VPS8: variants seen among roughly 807,000 people sequenced by gnomAD.
The protein encoded by VPS8 is vacuolar protein sorting-associated protein 8 homolog.
Under a neutral mutation model 216.4 loss-of-function variants are expected in VPS8, and 129 were observed. The ratio of observed to expected loss-of-function variants is 0.60; its 90% CI spans 0.52 to 0.69. The LOEUF (loss-of-function observed/expected upper bound fraction) is 0.69, where lower values mean the gene tolerates loss of function less well. Among genes scored for constraint, VPS8 ranks in the 30% least tolerant of loss-of-function variants. VPS8 has a pLI of 0.00. For synonymous variants in VPS8, 571 were observed against 565.4 expected (o/e 1.01, Z -0.14); for missense variants, 1,531 against 1,683.5 (o/e 0.91, Z 1.59).
In VPS8 at chr3:184,956,790, T is replaced by C. The variant is rs534235518; in HGVS notation, c.3036-584T>C. ...GGCAAATGAACCCATAAATATTGTG[T>C]ATTTTAGTATTACTCCTTTATTTAT... On this transcript the variant is annotated intron_variant, in intron 36 of 47. Coordinates refer to ENST00000625842, the MANE Select transcript of VPS8 (RefSeq NM_001009921.3). 1.2e-4 allele frequency among the ~76,000 whole-genome samples: 18 copies of C among 152,332 alleles called. No homozygotes were observed. The East Asian group carries it at 1.9e-3, about 16-fold the overall frequency.
At chr3:184,875,250 A>G (rs983026339) in intron 21 of VPS8, among the ~76,000 whole-genome samples, 3 of 151,932 alleles carry the variant, frequency 2.0e-5, no homozygotes, top group Admixed American at 6.6e-5. Context: ...TGCTGCCTCA[A>G]TTTTAATCTT....
chr3:184,919,470 A>G (rs538465738), intron 28 of VPS8, among the ~76,000 whole-genome samples: 2 of 152,246 alleles, frequency 1.3e-5, no homozygotes, highest in East Asian at 3.9e-4. Flanking sequence ...TTTTTGTGAC[A>G]CGCTGTTACA....
Position 184,948,703 on chromosome 3 carries a change from C to G in VPS8, c.3035+8460C>G, listed in dbSNP as rs77944106. ...GTCAGAAAGTGACATTCTTTACTTACTGCAAGGCTGGGAACCATGTAGACA... is the reference window on the plus strand; with the variant it reads ...GTCAGAAAGTGACATTCTTTACTTAGTGCAAGGCTGGGAACCATGTAGACA... On this transcript the variant is annotated intron_variant, in intron 36 of 47. Coordinates refer to ENST00000625842, the MANE Select transcript of VPS8 (RefSeq NM_001009921.3). Among the ~76,000 whole-genome samples the G allele has an allele frequency of 6.9e-3, 1,047 of 152,270 alleles. 3 individuals are homozygous for G. The highest frequency in any genetic ancestry group is 0.011 in the Non-Finnish European group (715 of 68,022).
chr3:184,953,231 C>CTGT (rs1745017968), intron 36 of VPS8, among the ~76,000 whole-genome samples: 1 of 152,182 alleles, frequency 6.6e-6, no homozygotes, highest in Non-Finnish European at 1.5e-5. Flanking sequence ...TAAGACCAGA[C>CTGT]ATCCCTGATG....
chr3:184,972,477 GGTGTA>G (rs1378240703), intron 40 of VPS8, among the ~76,000 whole-genome samples: 1 of 152,180 alleles, frequency 6.6e-6, no homozygotes, highest in Non-Finnish European at 1.5e-5. Context: ...AGAAGCCTAT[GGTGTA>G]CTAATTCTCA....
intron 25 of VPS8, 184 bp downstream of exon 25, chr3:184,901,156 C>G (rs922062937): frequency 3.4e-6 from 2 of 584,384 alleles, no homozygotes; most frequent in Non-Finnish European, 6.0e-6. Flanking sequence ...TTTCCTCCTT[C>G]CCCTTTGTAC....
chr3:184,853,116 T>C (rs913589818), intron 11 of VPS8, among the ~76,000 whole-genome samples: 4 of 152,198 alleles, frequency 2.6e-5, no homozygotes, highest in Admixed American at 6.5e-5. Flanking sequence ...AAGTACAAAG[T>C]AATTTCTGAA....
intron 45 of VPS8, among the ~76,000 whole-genome samples, chr3:185,012,206 A>G (rs141897847): frequency 0.017 from 2,537 of 149,066 alleles, 30 homozygotes; most frequent in Middle Eastern, 0.032. Context: ...AATTATAGCT[A>G]TATCTATATT....
At chr3:184,920,554 C>G (rs751017647) in intron 29 of VPS8, among the ~76,000 whole-genome samples, 2 of 152,172 alleles carry the variant, frequency 1.3e-5, no homozygotes, top group Non-Finnish European at 2.9e-5. Flanking sequence ...ATGCCAACTT[C>G]ACTTTGTTGC....
In VPS8 at chr3:184,915,063, A is replaced by G; in HGVS notation, c.2262+10A>G. 5 of 1,613,362 alleles carry G rather than the reference A, an allele frequency of 3.1e-6. No individual in the cohort carries two copies. Among genetic ancestry groups the G allele is most frequent in the South Asian group, 1.1e-5 (1 of 91,068 alleles). ...CTTGGTTAAAAACCAGGTTGGTACTATTTTTATAGCCTTTTGACTGTTCTC... is the reference window on the plus strand; with the variant it reads ...CTTGGTTAAAAACCAGGTTGGTACTGTTTTTATAGCCTTTTGACTGTTCTC... On this transcript the variant is annotated intron_variant, in intron 27 of 47. Coordinates refer to ENST00000625842, the MANE Select transcript of VPS8 (RefSeq NM_001009921.3).
At chr3:185,045,643 T>C (rs2108527939) in intron 46 of VPS8, among the ~76,000 whole-genome samples, 1 of 152,158 alleles carries the variant, frequency 6.6e-6, no homozygotes, top group Non-Finnish European at 1.5e-5. Context: ...TGGTGGTACA[T>C]GCCTATAATC....
intron 13 of VPS8, among the ~76,000 whole-genome samples, chr3:184,855,250 A>G (rs979950834): frequency 6.6e-6 from 1 of 152,180 alleles, no homozygotes; most frequent in Non-Finnish European, 1.5e-5. Flanking sequence ...TCTATAATTA[A>G]CATTTACTGC....
intron 46 of VPS8, among the ~76,000 whole-genome samples, chr3:185,035,532 G>T (rs1025020298): frequency 1.4e-4 from 21 of 152,140 alleles, no homozygotes; most frequent in Non-Finnish European, 1.5e-5. Flanking sequence ...TATATTTGCA[G>T]AAAAGTCTTT....
intron 2 of VPS8, 111 bp downstream of exon 2, chr3:184,824,896 C>A: frequency 1.3e-5 from 13 of 964,408 alleles, no homozygotes; most frequent in Non-Finnish European, 1.8e-5. Flanking sequence ...TAATAGGAGT[C>A]TGTGTATAAT....
intron 25 of VPS8, among the ~76,000 whole-genome samples, chr3:184,910,750 C>T (rs1199021731): frequency 6.6e-6 from 1 of 152,128 alleles, no homozygotes; most frequent in African/African-American, 2.4e-5. Flanking sequence ...CCATGCCTCC[C>T]TATGTGTGCA....
chr3:184,954,942 G>T (rs572718362), intron 36 of VPS8, among the ~76,000 whole-genome samples: 31 of 152,170 alleles, frequency 2.0e-4, no homozygotes, highest in Admixed American at 3.9e-4. Context: ...AGGAATAACC[G>T]GTGGGTATAG....
intron 7 of VPS8, among the ~76,000 whole-genome samples, chr3:184,842,351 C>G (rs532750958): frequency 3.6e-4 from 54 of 150,006 alleles, no homozygotes; most frequent in African/African-American, 1.3e-3. Context: ...GGGCCTGGTT[C>G]CTGGTTTTTT....
At chr3:184,875,144 T>A (rs144921276) in intron 21 of VPS8, among the ~76,000 whole-genome samples, 217 of 145,260 alleles carry the variant, frequency 1.5e-3, no homozygotes, top group African/African-American at 5.2e-3. Flanking sequence ...ATAAGTAACC[T>A]CTAATTCGGT....
At position 184,852,668 on chromosome 3, in the gene VPS8, G is replaced by A. The variant is rs1006879013; in HGVS notation, c.821+101G>A. 4 of 1,114,468 alleles carry A rather than the reference G, an allele frequency of 3.6e-6. No individual in the cohort carries two copies. The Admixed American group carries it at 8.9e-5, about 25-fold the overall frequency. The allele number at this position is 1,114,468 out of a possible 1,614,324, so 69.0% of individuals were successfully genotyped here. A position where few individuals can be genotyped will look rare whatever the true frequency, so the allele number is the denominator to read the frequency against. Reference sequence around the variant, plus strand: ...AGGACTAGAAAGCCCCTGTAATTGAGAGTAGATTATGACTGTGTATTACAA... The same window carrying A: ...AGGACTAGAAAGCCCCTGTAATTGAAAGTAGATTATGACTGTGTATTACAA... On this transcript the variant is annotated intron_variant, in intron 11 of 47. Coordinates refer to ENST00000625842, the MANE Select transcript of VPS8 (RefSeq NM_001009921.3).
Sources: gnomAD v4.1 joint callset for allele counts (sites outside exome capture counted in the v4.1 genomes callset) on GRCh38, gnomAD v4.1.1 for gene constraint, MANE v1.5 for transcripts, NCBI Gene and HGNC (gene_info 2026-07-23, HGNC 2026-07-21) for gene names.